GSG1L2: variants seen among roughly 807,000 people sequenced by gnomAD.
GSG1L2 encodes germ cell-specific gene 1-like protein 2.
In GSG1L2, 15 loss-of-function variants were observed where a neutral mutation model predicts 9.0. The observed-to-expected ratio is 1.67, with a 90% CI of 1.12 to 2.57. The LOEUF (loss-of-function observed/expected upper bound fraction) is 2.57. Among genes scored for constraint, GSG1L2 ranks in the 30% most tolerant of loss-of-function variants. The pLI is 0.00. For synonymous variants in GSG1L2, 127 were observed against 57.9 expected, an observed-to-expected ratio of 2.19 and a Z score of -5.41; for missense variants, 286 against 150.3, an observed-to-expected ratio of 1.90 and a Z score of -4.72.
chr17:9,811,702 T>C (rs531995804), intron 1 of GSG1L2, among the ~76,000 whole-genome samples: 89 of 152,280 alleles, frequency 5.8e-4, no homozygotes, highest in South Asian at 8.3e-4. Context: ...CCACGCAGTT[T>C]ACAGGAGTGC....
intron 1 of GSG1L2, among the ~76,000 whole-genome samples, chr17:9,814,214 G>A (rs868585268): frequency 2.0e-5 from 3 of 152,208 alleles, no homozygotes; most frequent in Non-Finnish European, 4.4e-5. Flanking sequence ...GATTACAAGC[G>A]TGAGACACCG....
intron 1 of GSG1L2, among the ~76,000 whole-genome samples, chr17:9,818,882 G>C (rs1278705757): frequency 6.6e-6 from 1 of 152,034 alleles, no homozygotes; most frequent in African/African-American, 2.4e-5. Context: ...GTCCTTGTTC[G>C]TTTGTACCTT....
chr17:9,807,979 C>T (rs1377060976), intron 3 of GSG1L2: 1 of 187,760 alleles, frequency 5.3e-6, no homozygotes, highest in Non-Finnish European at 1.1e-5. Flanking sequence ...ATTGCTTAAG[C>T]TCAGGGGTTT....
intron 1 of GSG1L2, among the ~76,000 whole-genome samples, chr17:9,818,660 G>A (rs184626475): frequency 2.6e-5 from 4 of 151,778 alleles, no homozygotes; most frequent in East Asian, 1.9e-4. Context: ...CCTTTCCAAC[G>A]ACCAGATCCC....
intron 2 of GSG1L2, 21 bp from the exon 3 acceptor site, chr17:9,809,003 G>C: frequency 1.4e-6 from 1 of 702,730 alleles, no homozygotes. Context: ...ACGGGATGTT[G>C]GAAACGCTGG....
intron 1 of GSG1L2, among the ~76,000 whole-genome samples, chr17:9,816,860 A>G (rs111953440): frequency 0.58 from 75,269 of 130,440 alleles, 20,612 homozygotes; most frequent in East Asian, 0.99. Context: ...GTGTATCTGT[A>G]TGTGTGTGTC....
chr17:9,816,442 G>A (rs2066560872), intron 1 of GSG1L2, among the ~76,000 whole-genome samples: 1 of 135,814 alleles, frequency 7.4e-6, no homozygotes, highest in South Asian at 2.5e-4. Flanking sequence ...GTCTCTCTGT[G>A]TGCGTGTGTC....
chr17:9,815,042 G>A (rs1365713883), intron 1 of GSG1L2, among the ~76,000 whole-genome samples: 1 of 152,222 alleles, frequency 6.6e-6, no homozygotes, highest in African/African-American at 2.4e-5. Context: ...TAGGCACTGG[G>A]GAGAAAGGGT....
chr17:9,815,403 C>T (rs1247109331), intron 1 of GSG1L2, among the ~76,000 whole-genome samples: 1 of 152,124 alleles, frequency 6.6e-6, no homozygotes, highest in African/African-American at 2.4e-5. Flanking sequence ...TAAAATGTCT[C>T]TATTGTTCTA....
At chr17:9,818,137 A>T (rs928066299) in intron 1 of GSG1L2, among the ~76,000 whole-genome samples, 16 of 151,992 alleles carry the variant, frequency 1.1e-4, no homozygotes, top group Non-Finnish European at 2.2e-4. Context: ...TAAAGAAAAA[A>T]CTTTTAATTG....
At position 9,820,418 on chromosome 17, in the gene GSG1L2, T is replaced by C. The variant is rs939874621; in HGVS notation, c.310+1344A>G. On this transcript the variant is annotated intron_variant, in intron 1 of 4. Coordinates refer to ENST00000399363, the MANE Select transcript of GSG1L2 (RefSeq NM_001310219.2). This position sits in a 1 kb window ranked among gnomAD's most constrained non-coding sequence, Gnocchi z 4.9. ...TGCAGGGTCCTGAGACTTTTGCCTC[T>C]GTCCATGAAGGTGGGGAAGAGACTC... is the stretch of plus-strand genomic sequence containing the variant. Among the ~76,000 whole-genome samples, 1 of 152,190 alleles carries C rather than the reference T, an allele frequency of 6.6e-6. No individual in the cohort carries two copies.
At chr17:9,818,392 G>T (rs1597945715) in intron 1 of GSG1L2, among the ~76,000 whole-genome samples, 1 of 151,874 alleles carries the variant, frequency 6.6e-6, no homozygotes, top group African/African-American at 2.4e-5. Context: ...GGAGTGTAAT[G>T]GTGCGATCTC....
intron 1 of GSG1L2, among the ~76,000 whole-genome samples, chr17:9,819,935 A>T (rs969800407): frequency 1.3e-5 from 2 of 151,896 alleles, no homozygotes; most frequent in Admixed American, 6.6e-5. Flanking sequence ...CTTTAAAAAA[A>T]AATTTTGGCC....
chr17:9,816,916 G>GTGTGTGTATCTGTGTGTGTGTATC (rs1555566440), intron 1 of GSG1L2, among the ~76,000 whole-genome samples: 8 of 142,684 alleles, frequency 5.6e-5, no homozygotes, highest in Admixed American at 2.8e-4. Flanking sequence ...GTATCTGTGT[G>GTGTGTGTATCTGTGTGTGTGTATC]TGTGTGTGTG....
intron 1 of GSG1L2, among the ~76,000 whole-genome samples, chr17:9,815,180 G>A (rs2066554688): frequency 6.6e-6 from 1 of 152,200 alleles, no homozygotes; most frequent in African/African-American, 2.4e-5. Context: ...GAAGTCAGGA[G>A]ATGGAGACCA....
chr17:9,811,678 C>A (rs79242009), intron 1 of GSG1L2, among the ~76,000 whole-genome samples: 11,996 of 152,240 alleles, frequency 0.079, 541 homozygotes, highest in East Asian at 0.15. Flanking sequence ...CCTGGGAAAT[C>A]ATCTGGTTCA....
chr17:9,812,878 C>T (rs1308664185), intron 1 of GSG1L2, among the ~76,000 whole-genome samples: 1 of 152,230 alleles, frequency 6.6e-6, no homozygotes, highest in Non-Finnish European at 1.5e-5. Flanking sequence ...GTTAGGATAA[C>T]AGGCATGGGC....
chr17:9,801,358 C>G lies in GSG1L2; in HGVS notation c.*1028G>C, dbSNP rs1164633624. On this transcript the variant is annotated 3_prime_UTR_variant, in exon 5 of 5. Transcript: ENST00000399363. ...GAGTAGCTGGGATTACAGACATGTG[C>G]CACCATGCTTGGCTATTTTTGATGT... is the stretch of plus-strand genomic sequence containing the variant. Among the ~76,000 whole-genome samples, 1 of 151,962 alleles carries G rather than the reference C, an allele frequency of 6.6e-6. No individual in the cohort carries two copies. Among genetic ancestry groups the G allele is most frequent in the Non-Finnish European group, 1.5e-5 (1 of 67,996 alleles).
At chr17:9,810,981 C>A in intron 1 of GSG1L2, 1 of 266,886 alleles carries the variant, frequency 3.7e-6, no homozygotes, top group Non-Finnish European at 7.1e-6. Flanking sequence ...TGAGGACAGA[C>A]CCCTTGCCAA....
Sources: gnomAD v4.1 joint callset for allele counts (sites outside exome capture counted in the v4.1 genomes callset) on GRCh38, gnomAD v4.1.1 for gene constraint, Gnocchi (gnomAD v3.1) non-coding constraint, MANE v1.5 for transcripts, NCBI Gene and HGNC (gene_info 2026-07-23, HGNC 2026-07-21) for gene names.